Variants in NAV2 observed in about 807,000 individuals in gnomAD.
NAV2 encodes neuron navigator 2.
NAV2 carries 54 observed loss-of-function variants against 223.2 expected under a neutral mutation model. The observed-to-expected ratio is 0.24, with a 90% CI of 0.19 to 0.30. The LOEUF is 0.30. Among genes scored for constraint, NAV2 ranks in the 10% least tolerant of loss-of-function variants. The pLI is 1.00. For synonymous variants in NAV2, 1,279 were observed against 1,239.3 expected (o/e 1.03, Z -0.67); for missense variants, 2,806 against 3,147.5 (o/e 0.89, Z 2.60).
chr11:19,963,793 C>G (rs7949975), intron 10 of NAV2, among the ~76,000 whole-genome samples: 90,263 of 152,110 alleles, frequency 0.59, 27,760 homozygotes, highest in African/African-American at 0.74. Flanking sequence ...AACTGGTTCT[C>G]TGCGTGCTGG....
At chr11:19,377,883 G>A (rs1848696361) in intron 1 of NAV2, among the ~76,000 whole-genome samples, 1 of 152,162 alleles carries the variant, frequency 6.6e-6, no homozygotes, top group Admixed American at 6.5e-5. Flanking sequence ...GGAGTAAGCT[G>A]AAGGAGATGG....
chr11:19,963,534 A>G (rs1406196175), intron 10 of NAV2, among the ~76,000 whole-genome samples: 1 of 152,180 alleles, frequency 6.6e-6, no homozygotes, highest in African/African-American at 2.4e-5. Context: ...CTATGAAGGG[A>G]CCTGAAAGTG....
intron 1 of NAV2, among the ~76,000 whole-genome samples, chr11:19,573,304 T>C (rs1269640129): frequency 6.6e-6 from 1 of 152,180 alleles, no homozygotes; most frequent in African/African-American, 2.4e-5. Context: ...TTTGCCTTTT[T>C]CTTCTTGGCA....
At chr11:19,563,421 T>C (rs1408246007) in intron 1 of NAV2, among the ~76,000 whole-genome samples, 1 of 152,356 alleles carries the variant, frequency 6.6e-6, no homozygotes, top group Non-Finnish European at 1.5e-5. Context: ...GGTCTCCTTT[T>C]GACACAGAGG....
chr11:19,766,807 C>T (rs555899773), intron 1 of NAV2, among the ~76,000 whole-genome samples: 26 of 152,298 alleles, frequency 1.7e-4, no homozygotes, highest in Admixed American at 3.9e-4. Context: ...TTCTCCCACC[C>T]TGATTTGCTA....
At position 19,769,774 on chromosome 11, in the gene NAV2, G is replaced by A. The variant is rs545375060; in HGVS notation, c.267+55812G>A. On this transcript the variant is annotated intron_variant, in intron 1 of 37. Coordinates refer to ENST00000349880, the MANE Select transcript of NAV2 (RefSeq NM_145117.5). ...GTAATAATTTTTTAACCCACTTCAAGGCTATTTGTTTTCCTTTAATTGTTC... is the reference window on the plus strand; with the variant it reads ...GTAATAATTTTTTAACCCACTTCAAAGCTATTTGTTTTCCTTTAATTGTTC... 4.6e-5 allele frequency among the ~76,000 whole-genome samples: 7 copies of A among 152,246 alleles called. No individual in the cohort carries two copies. In the South Asian group the frequency reaches 1.0e-3, roughly 23 times the overall value.
intron 10 of NAV2, among the ~76,000 whole-genome samples, chr11:19,951,194 G>C (rs1425571596): frequency 1.3e-5 from 2 of 152,178 alleles, no homozygotes; most frequent in East Asian, 3.8e-4. Flanking sequence ...GCTGGCCTCA[G>C]GGGAAATAGG....
chr11:19,883,991 C>T lies in NAV2; in HGVS notation c.770+3864C>T, dbSNP rs563275421. 3.3e-5 allele frequency among the ~76,000 whole-genome samples: 5 copies of T among 152,274 alleles called. No homozygotes were observed. The South Asian group carries it at 1.0e-3, about 32-fold the overall frequency. Reference sequence around the variant, plus strand: ...ATAAAGTTTGTTTACTTGTGAGGGACCCCATATTTTGAGAATAAGGCCTTA... The same window carrying T: ...ATAAAGTTTGTTTACTTGTGAGGGATCCCATATTTTGAGAATAAGGCCTTA... On this transcript the variant is annotated intron_variant, in intron 5 of 37. Coordinates refer to ENST00000349880, the MANE Select transcript of NAV2 (RefSeq NM_145117.5).
At chr11:20,051,444 G>T in intron 17 of NAV2, 111 bp downstream of exon 17, 3 of 931,680 alleles carry the variant, frequency 3.2e-6, no homozygotes, top group Non-Finnish European at 5.4e-6. Flanking sequence ...TCCCCGCTTT[G>T]ACCACCACAG....
intron 1 of NAV2, among the ~76,000 whole-genome samples, chr11:19,720,754 A>G (rs2050689283): frequency 1.3e-5 from 2 of 152,158 alleles, no homozygotes; most frequent in Non-Finnish European, 2.9e-5. Context: ...TCCTCACAAC[A>G]TCCCATGAGG....
intron 1 of NAV2, among the ~76,000 whole-genome samples, chr11:19,624,148 C>T (rs2047091934): frequency 6.6e-6 from 1 of 152,142 alleles, no homozygotes; most frequent in South Asian, 2.1e-4. Flanking sequence ...CAGAGGGGCA[C>T]CTGGCCGTGT....
At chr11:20,074,877 G>T (rs1455620510) in intron 22 of NAV2, among the ~76,000 whole-genome samples, 1 of 151,542 alleles carries the variant, frequency 6.6e-6, no homozygotes, top group Non-Finnish European at 1.5e-5. Flanking sequence ...ACACTGAAGG[G>T]TCTGGGCTCT....
intron 1 of NAV2, among the ~76,000 whole-genome samples, chr11:19,486,449 A>G (rs949169360): frequency 2.0e-5 from 3 of 152,110 alleles, no homozygotes; most frequent in Non-Finnish European, 4.4e-5. Flanking sequence ...CCCAAATGTC[A>G]TGGAGGGACC....
At chr11:19,632,181 C>A (rs2047365433) in intron 1 of NAV2, among the ~76,000 whole-genome samples, 1 of 152,216 alleles carries the variant, frequency 6.6e-6, no homozygotes, top group East Asian at 1.9e-4. Context: ...AGTGAGAGCA[C>A]ACCCCCATTA....
intron 1 of NAV2, among the ~76,000 whole-genome samples, chr11:19,830,958 A>T (rs1239329604): frequency 6.6e-6 from 1 of 151,930 alleles, no homozygotes; most frequent in Non-Finnish European, 1.5e-5. Context: ...GGATTTAAGG[A>T]TTGGATCCTT....
At chr11:19,840,257 T>C (rs189987613) in intron 2 of NAV2, among the ~76,000 whole-genome samples, 1 of 152,232 alleles carries the variant, frequency 6.6e-6, no homozygotes, top group South Asian at 2.1e-4. Context: ...TTTTGACTTT[T>C]GTAAAATGGA....
At chr11:19,771,433 G>A (rs927750891) in intron 1 of NAV2, among the ~76,000 whole-genome samples, 1 of 152,082 alleles carries the variant, frequency 6.6e-6, no homozygotes, top group African/African-American at 2.4e-5. Flanking sequence ...GGTAGAGAAT[G>A]GAAGGAAAAA....
intron 2 of NAV2, among the ~76,000 whole-genome samples, chr11:19,833,063 T>G (rs2060035982): frequency 6.6e-6 from 1 of 152,188 alleles, no homozygotes. Context: ...GATTAGATGG[T>G]CCGGGTTAAT....
At chr11:20,072,892 T>G (rs560432809) in intron 22 of NAV2, among the ~76,000 whole-genome samples, 1 of 152,230 alleles carries the variant, frequency 6.6e-6, no homozygotes. Context: ...CAGAGACAAT[T>G]TGACTTCCTG....
Sources: allele counts gnomAD v4.1 joint callset (sites outside exome capture counted in the v4.1 genomes callset), GRCh38; gene constraint gnomAD v4.1.1; transcripts MANE v1.5; gene names NCBI Gene and HGNC (gene_info 2026-07-23, HGNC 2026-07-21).